Variants in BNC2 observed in about 807,000 individuals in gnomAD.
BNC2 encodes basonuclin zinc finger protein 2.
Under a neutral mutation model 76.3 loss-of-function variants are expected in BNC2, and 20 were observed. The ratio of observed to expected loss-of-function variants is 0.26; its 90% CI spans 0.18 to 0.38. BNC2 has a LOEUF of 0.38. Ranked by LOEUF, BNC2 falls within the 10% of genes least tolerant of loss-of-function variation. The pLI is 1.00. For synonymous variants in BNC2, 582 were observed against 514.8 expected, an observed-to-expected ratio of 1.13 and a Z score of -1.77; for missense variants, 1,382 against 1,399.8, an observed-to-expected ratio of 0.99 and a Z score of 0.20.
chr9:16,782,620 GGT>G (rs1178293181), intron 1 of BNC2, among the ~76,000 whole-genome samples: 1 of 152,132 alleles, frequency 6.6e-6, no homozygotes. Flanking sequence ...AAGAGGCAGA[GGT>G]GTCACTTCCT....
chr9:16,538,050 G>A (rs1028338273), intron 5 of BNC2, among the ~76,000 whole-genome samples: 4 of 152,060 alleles, frequency 2.6e-5, no homozygotes, highest in Non-Finnish European at 4.4e-5. Flanking sequence ...TACTCCAGAC[G>A]TCTCTTTGTC....
chr9:16,752,204 A>G (rs1337762579), intron 1 of BNC2, among the ~76,000 whole-genome samples: 5 of 3,880 alleles, frequency 1.3e-3, no homozygotes, highest in African/African-American at 1.5e-3. Context: ...TTGGCTCAAA[A>G]TTTTGTTTTG....
intron 5 of BNC2, among the ~76,000 whole-genome samples, chr9:16,484,989 T>A (rs576929504): frequency 1.3e-5 from 2 of 152,252 alleles, no homozygotes; most frequent in East Asian, 3.9e-4. Flanking sequence ...TCCCTGTGGT[T>A]ATAATTACAA....
chr9:16,832,380 T>G (rs557051872), intron 1 of BNC2: 19 of 1,134,400 alleles, frequency 1.7e-5, no homozygotes, highest in Admixed American at 7.1e-5. Flanking sequence ...ACACAATATG[T>G]TTTGCCCAGT....
intron 4 of BNC2, among the ~76,000 whole-genome samples, chr9:16,564,480 A>G (rs1281201269): frequency 6.6e-6 from 1 of 152,148 alleles, no homozygotes; most frequent in Non-Finnish European, 1.5e-5. Context: ...ATTCAGAGGA[A>G]ACATCAGGTT....
intron 1 of BNC2, among the ~76,000 whole-genome samples, chr9:16,829,912 A>G (rs1251296613): frequency 6.6e-6 from 1 of 152,242 alleles, no homozygotes; most frequent in East Asian, 1.9e-4. Flanking sequence ...ACTATAGGAC[A>G]CAAACCACCT....
intron 3 of BNC2, among the ~76,000 whole-genome samples, chr9:16,706,985 G>A (rs1050345702): frequency 3.9e-5 from 6 of 152,186 alleles, no homozygotes; most frequent in Admixed American, 2.0e-4. Flanking sequence ...GGCGGATCAC[G>A]AGGTCAGGAG....
chr9:16,765,100 G>A lies in BNC2; in HGVS notation c.4-26615C>T, dbSNP rs530044532. 4.6e-5 allele frequency among the ~76,000 whole-genome samples: 7 copies of A among 152,212 alleles called. No individual in the cohort carries two copies. The South Asian group carries it at 1.0e-3, about 23-fold the overall frequency. ...GACAAGGGATGAAGCAGCTAAGGAC[G>A]GACGTTTGTACTATCCACACTCTAT... is the stretch of plus-strand genomic sequence containing the variant. On this transcript the variant is annotated intron_variant, in intron 1 of 6. Transcript: ENST00000380672.
chr9:16,851,381 G>A (rs572547374), intron 1 of BNC2, among the ~76,000 whole-genome samples: 5 of 152,062 alleles, frequency 3.3e-5, no homozygotes, highest in South Asian at 2.1e-4. Flanking sequence ...TGGCTCATGC[G>A]TGTAGTCCCA....
intron 3 of BNC2, among the ~76,000 whole-genome samples, chr9:16,584,727 G>A (rs1044951399): frequency 2.6e-5 from 4 of 152,134 alleles, no homozygotes; most frequent in African/African-American, 4.8e-5. Flanking sequence ...TTTGTTAACT[G>A]AGAAATATAT....
At chr9:16,758,318 T>C (rs1481989779) in intron 1 of BNC2, among the ~76,000 whole-genome samples, 1 of 147,126 alleles carries the variant, frequency 6.8e-6, no homozygotes, top group African/African-American at 2.5e-5. Context: ...GTCCTTAACA[T>C]TAGCCGCGTT....
At chr9:16,696,100 C>G (rs1823330336) in intron 3 of BNC2, among the ~76,000 whole-genome samples, 1 of 152,182 alleles carries the variant, frequency 6.6e-6, no homozygotes, top group African/African-American at 2.4e-5. Context: ...AGTACATGCT[C>G]AGACCTCTGC....
At chr9:16,649,773 G>C (rs952204499) in intron 3 of BNC2, among the ~76,000 whole-genome samples, 12 of 152,146 alleles carry the variant, frequency 7.9e-5, no homozygotes, top group Non-Finnish European at 8.8e-5. Context: ...TCATTTGTTT[G>C]AGAGGCCAAT....
At chr9:16,808,889 A>T (rs1381927408) in intron 1 of BNC2, among the ~76,000 whole-genome samples, 1 of 151,020 alleles carries the variant, frequency 6.6e-6, no homozygotes, top group African/African-American at 2.4e-5. Flanking sequence ...AAAGAACATA[A>T]ATCTCCTACT....
intron 1 of BNC2, among the ~76,000 whole-genome samples, chr9:16,861,793 T>C (rs969161935): frequency 6.6e-5 from 10 of 152,116 alleles, no homozygotes; most frequent in African/African-American, 2.4e-4. Context: ...ATCGAGACCA[T>C]CCTGGCTAAC....
intron 3 of BNC2, among the ~76,000 whole-genome samples, chr9:16,656,975 G>C (rs775710447): frequency 2.0e-5 from 3 of 152,138 alleles, no homozygotes; most frequent in Non-Finnish European, 4.4e-5. Flanking sequence ...CTGGTTTCTA[G>C]CCAGATGGTG....
At chr9:16,592,060 CAACATGGT>C (rs1349858270) in intron 3 of BNC2, among the ~76,000 whole-genome samples, 1 of 151,686 alleles carries the variant, frequency 6.6e-6, no homozygotes, top group African/African-American at 2.4e-5. Context: ...AAACTGCAGG[CAACATGGT>C]AAAAGACAAA....
At chr9:16,464,402 G>T (rs1587059309) in intron 5 of BNC2, among the ~76,000 whole-genome samples, 1 of 151,904 alleles carries the variant, frequency 6.6e-6, no homozygotes, top group Non-Finnish European at 1.5e-5. Flanking sequence ...TAATATTTAA[G>T]TATCAAACAA....
At chr9:16,780,856 T>A (rs1237931594) in intron 1 of BNC2, among the ~76,000 whole-genome samples, 1 of 152,148 alleles carries the variant, frequency 6.6e-6, no homozygotes, top group Non-Finnish European at 1.5e-5. Context: ...AAAAAATGTT[T>A]ACTTTACCTA....
Sources: gnomAD v4.1 joint callset for allele counts (sites outside exome capture counted in the v4.1 genomes callset) on GRCh38, gnomAD v4.1.1 for gene constraint, MANE v1.5 for transcripts, NCBI Gene and HGNC (gene_info 2026-07-23, HGNC 2026-07-21) for gene names.